IL1RAPL2: variants seen among roughly 807,000 people sequenced by gnomAD.
The protein encoded by IL1RAPL2 is interleukin 1 receptor accessory protein like 2.
A neutral mutation model predicts 44.1 loss-of-function variants in IL1RAPL2; 3 were observed. The ratio of observed to expected loss-of-function variants is 0.07; its 90% CI spans 0.03 to 0.18. The LOEUF is 0.18. IL1RAPL2 is among the 10% of genes least tolerant of loss of function. IL1RAPL2 has a pLI of 1.00. For missense variants in IL1RAPL2, 391 were observed against 496.4 expected, an observed-to-expected ratio of 0.79 and a Z score of 2.02; for synonymous variants, 181 against 178.8, an observed-to-expected ratio of 1.01 and a Z score of -0.10.
rs761931761 is a variant in IL1RAPL2, at chrX:104,801,260, G to T, written c.82+142265G>T. 4.5e-5 allele frequency among the ~76,000 whole-genome samples: 5 copies of T among 111,860 alleles called. No individual in the cohort carries two copies. In the South Asian group the frequency reaches 1.5e-3, roughly 34 times the overall value. On this transcript the variant is annotated intron_variant, in intron 2 of 10. Transcript: ENST00000372582. ...TTTTGATAGAATAATTTTCTTCAGG[G>T]GTTTGGGCTCTGATTGCTACTTAGA...
chrX:105,042,840 A>T (rs1415818067), intron 2 of IL1RAPL2, among the ~76,000 whole-genome samples: 4 of 107,748 alleles, frequency 3.7e-5, no homozygotes, highest in Non-Finnish European at 7.7e-5. Context: ...AATGTCCAAC[A>T]ATGATAGAGT....
At chrX:105,400,789 C>T (rs1051312818) in intron 5 of IL1RAPL2, among the ~76,000 whole-genome samples, 5 of 112,106 alleles carry the variant, frequency 4.5e-5, no homozygotes, top group African/African-American at 1.6e-4. Flanking sequence ...GATTTTGAAG[C>T]AGCTACCGTG....
At chrX:105,156,224 C>A (rs1045156179) in intron 2 of IL1RAPL2, among the ~76,000 whole-genome samples, 2 of 111,595 alleles carry the variant, frequency 1.8e-5, no homozygotes, top group Non-Finnish European at 3.8e-5. Flanking sequence ...AAAATATTTT[C>A]CTTGATTGTT....
At chrX:104,795,969 G>A (rs760978421) in intron 2 of IL1RAPL2, among the ~76,000 whole-genome samples, 5 of 111,971 alleles carry the variant, frequency 4.5e-5, no homozygotes, top group African/African-American at 1.6e-4. Context: ...CCATGCCAGG[G>A]AAGGTCTTTG....
intron 6 of IL1RAPL2, among the ~76,000 whole-genome samples, chrX:105,627,475 T>A (rs1569459766): frequency 9.0e-6 from 1 of 111,017 alleles, no homozygotes; most frequent in Non-Finnish European, 1.9e-5. Context: ...AACTAGAAAA[T>A]ATAGATGGGA....
At chrX:105,630,393 A>T (rs1444599931) in intron 6 of IL1RAPL2, among the ~76,000 whole-genome samples, 1 of 111,344 alleles carries the variant, frequency 9.0e-6, no homozygotes, top group Non-Finnish European at 1.9e-5. Context: ...AATTTTATAG[A>T]TGCAGAAGTG....
At chrX:105,447,117 A>G (rs1391256905) in intron 5 of IL1RAPL2, among the ~76,000 whole-genome samples, 2 of 66,811 alleles carry the variant, frequency 3.0e-5, no homozygotes, top group Non-Finnish European at 5.2e-5. Context: ...AAAAATATAT[A>G]TAAATATAAA....
chrX:104,896,338 C>G (rs1295159706), intron 2 of IL1RAPL2, among the ~76,000 whole-genome samples: 1 of 111,885 alleles, frequency 8.9e-6, no homozygotes, highest in Non-Finnish European at 1.9e-5. Context: ...GACCCCTGGA[C>G]CAACCTGCTG....
intron 5 of IL1RAPL2, among the ~76,000 whole-genome samples, chrX:105,355,576 G>T (rs192026142): frequency 9.0e-6 from 1 of 111,419 alleles, no homozygotes; most frequent in African/African-American, 3.3e-5. Flanking sequence ...TATGAACCAT[G>T]AGGCCATGGA....
At chrX:105,753,552 C>A (rs893067276) in intron 9 of IL1RAPL2, among the ~76,000 whole-genome samples, 1 of 111,231 alleles carries the variant, frequency 9.0e-6, no homozygotes, top group Non-Finnish European at 1.9e-5. Flanking sequence ...GTATCCTGCA[C>A]GTGATTGGAA....
intron 2 of IL1RAPL2, among the ~76,000 whole-genome samples, chrX:105,025,405 G>C (rs1024179029): frequency 1.8e-5 from 2 of 111,388 alleles, no homozygotes; most frequent in Non-Finnish European, 3.8e-5. Flanking sequence ...TCTCCTCAAA[G>C]TATAAGCTGA....
chrX:105,452,191 G>T (rs374368544), intron 5 of IL1RAPL2, among the ~76,000 whole-genome samples: 4 of 111,218 alleles, frequency 3.6e-5, no homozygotes, highest in African/African-American at 1.3e-4. Context: ...ATGAAGGGTG[G>T]AAAAACCTGT....
chrX:104,621,025 G>T (rs1929388126), intron 1 of IL1RAPL2, among the ~76,000 whole-genome samples: 1 of 103,884 alleles, frequency 9.6e-6, no homozygotes, highest in Non-Finnish European at 1.9e-5. Context: ...CTGCTGACAT[G>T]TAATATTATA....
intron 6 of IL1RAPL2, among the ~76,000 whole-genome samples, chrX:105,697,107 G>A (rs1279246964): frequency 9.1e-6 from 1 of 109,783 alleles, no homozygotes; most frequent in Non-Finnish European, 1.9e-5. Context: ...GTTCTTACAT[G>A]AACTAATAGA....
In IL1RAPL2 at chrX:105,377,287, A is replaced by T. The variant is rs753868047; in HGVS notation, c.698-107026A>T. On this transcript the variant is annotated intron_variant, in intron 5 of 10. Coordinates refer to ENST00000372582, the MANE Select transcript of IL1RAPL2 (RefSeq NM_017416.2). ...TCAAATTGCTGCCTGTAATTTCATT[A>T]CATGGGTATTCCATAATTTATTTTT... Among the ~76,000 whole-genome samples, 18 of 111,338 alleles carry T rather than the reference A, an allele frequency of 1.6e-4. No individual in the cohort carries two copies. In the South Asian group the frequency reaches 6.8e-3, roughly 42 times the overall value.
At chrX:104,997,302 T>C (rs1444545318) in intron 2 of IL1RAPL2, among the ~76,000 whole-genome samples, 3 of 112,086 alleles carry the variant, frequency 2.7e-5, no homozygotes, top group Non-Finnish European at 5.6e-5. Flanking sequence ...TTGGATATAC[T>C]AGGATAAACA....
In IL1RAPL2 at chrX:104,908,240, A is replaced by G. The variant is rs771789636; in HGVS notation, c.82+249245A>G. Among the ~76,000 whole-genome samples the G allele has an allele frequency of 5.8e-3, 647 of 111,730 alleles. 3 individuals are homozygous for G. The highest frequency in any genetic ancestry group is 0.02 in the African/African-American group (610 of 30,700). Reference sequence around the variant, plus strand: ...TTTCCTGAATACAGCACACTGATAGATCTTGACTCTTTATCCAATTTGTCA... The same window carrying G: ...TTTCCTGAATACAGCACACTGATAGGTCTTGACTCTTTATCCAATTTGTCA... On this transcript the variant is annotated intron_variant, in intron 2 of 10. Transcript: ENST00000372582.
chrX:104,653,555 T>C (rs1033505641), intron 1 of IL1RAPL2, among the ~76,000 whole-genome samples: 4 of 111,259 alleles, frequency 3.6e-5, no homozygotes, highest in Non-Finnish European at 7.6e-5. Flanking sequence ...CCAGGTTCCT[T>C]TGTTTATTGA....
intron 5 of IL1RAPL2, among the ~76,000 whole-genome samples, chrX:105,446,910 T>G (rs2035958973): frequency 9.6e-6 from 1 of 103,719 alleles, no homozygotes; most frequent in Admixed American, 1.1e-4. Context: ...GGTAATTTCT[T>G]CTTGCTCATC....
Sources: gnomAD v4.1 joint callset for allele counts (sites outside exome capture counted in the v4.1 genomes callset) on GRCh38, gnomAD v4.1.1 for gene constraint, MANE v1.5 for transcripts, NCBI Gene and HGNC (gene_info 2026-07-23, HGNC 2026-07-21) for gene names.